TNRC6B: variants seen among roughly 807,000 people sequenced by gnomAD.
The protein encoded by TNRC6B is trinucleotide repeat-containing gene 6B protein.
TNRC6B carries 52 observed loss-of-function variants against 203.6 expected under a neutral mutation model. The observed-to-expected ratio is 0.26, with a 90% CI of 0.20 to 0.32. TNRC6B has a LOEUF of 0.32. TNRC6B is among the 10% of genes least tolerant of loss of function. TNRC6B has a pLI of 1.00. For missense variants in TNRC6B, 1,923 were observed against 2,286.2 expected, an observed-to-expected ratio of 0.84 and a Z score of 3.24; for synonymous variants, 838 against 845.7, an observed-to-expected ratio of 0.99 and a Z score of 0.16.
chr22:40,265,863 C>T lies in TNRC6B; in HGVS notation c.1633C>T (p.Pro545Ser), dbSNP rs201243334. Reference sequence around the variant, plus strand: ...AGCATGGGACAATCAAAAGGGCCACCCCCTCCCTGAAAACCAAGGCAATGC... The same window carrying T: ...AGCATGGGACAATCAAAAGGGCCACTCCCTCCCTGAAAACCAAGGCAATGC... ...TGAWDNQKGHPLPENQGNAQA... is the reference protein window; with the variant it reads ...TGAWDNQKGHSLPENQGNAQA... Residue 545 changes from proline (P) to serine (S), a missense_variant, in exon 5 of 23, where the codon CCC becomes TCC. Transcript: ENST00000454349. 1.4e-5 allele frequency: 23 copies of T among 1,613,956 alleles called. No homozygotes were observed. In the East Asian group the frequency reaches 4.5e-4, roughly 31 times the overall value.
intron 1 of TNRC6B, among the ~76,000 whole-genome samples, chr22:40,111,508 A>T (rs879823793): frequency 4.4e-4 from 67 of 152,240 alleles, no homozygotes; most frequent in African/African-American, 1.6e-3. Flanking sequence ...CAGGGCAGTC[A>T]GTGGCAGTAG....
intron 19 of TNRC6B, 66 bp from the exon 20 acceptor site, chr22:40,315,217 A>G (rs577989863): frequency 1.6e-6 from 2 of 1,280,356 alleles, no homozygotes; most frequent in African/African-American, 1.5e-5. Flanking sequence ...GATAAAACTC[A>G]TGTGTATTTG....
intron 3 of TNRC6B, among the ~76,000 whole-genome samples, chr22:40,257,852 G>A (rs1430760906): frequency 2.0e-5 from 3 of 151,812 alleles, no homozygotes; most frequent in East Asian, 1.9e-4. Context: ...ATGAAACTCC[G>A]TCTCTGTTAA....
At chr22:40,131,077 GC>G (rs2068540023) in intron 3 of TNRC6B, among the ~76,000 whole-genome samples, 1 of 151,566 alleles carries the variant, frequency 6.6e-6, no homozygotes, top group Non-Finnish European at 1.5e-5. Flanking sequence ...ATAATTTTTT[GC>G]CCAGATAATT....
chr22:40,145,316 T>C (rs1252464657), intron 3 of TNRC6B, among the ~76,000 whole-genome samples: 1 of 152,062 alleles, frequency 6.6e-6, no homozygotes, highest in African/African-American at 2.4e-5. Context: ...ATTTTTCTGC[T>C]TGTGAATTAT....
chr22:40,260,374 G>A (rs1283970267), intron 3 of TNRC6B, among the ~76,000 whole-genome samples: 4 of 152,114 alleles, frequency 2.6e-5, no homozygotes, highest in Non-Finnish European at 5.9e-5. Flanking sequence ...ATGCCCTAAG[G>A]AAGAAAGAAA....
intron 4 of TNRC6B, among the ~76,000 whole-genome samples, chr22:40,163,093 G>T (rs1240388313): frequency 6.6e-6 from 1 of 151,986 alleles, no homozygotes; most frequent in Non-Finnish European, 1.5e-5. Flanking sequence ...TTTCTTGGAT[G>T]CCTGGACCAT....
chr22:40,097,187 G>A (rs908376684), intron 1 of TNRC6B, among the ~76,000 whole-genome samples: 1 of 152,216 alleles, frequency 6.6e-6, no homozygotes, highest in Non-Finnish European at 1.5e-5. Context: ...GACATGATCA[G>A]ATTTATTTTT....
chr22:40,054,738 C>G (rs966708846), intron 1 of TNRC6B, among the ~76,000 whole-genome samples: 1 of 152,128 alleles, frequency 6.6e-6, no homozygotes. Flanking sequence ...AATAGAATTT[C>G]TAAAAAACCT....
chr22:40,121,243 C>T (rs1440204201), intron 2 of TNRC6B, among the ~76,000 whole-genome samples: 5 of 152,038 alleles, frequency 3.3e-5, no homozygotes, highest in Admixed American at 6.6e-5. Context: ...CCCTCCCTTC[C>T]GTCCTTCCTT....
intron 7 of TNRC6B, among the ~76,000 whole-genome samples, chr22:40,275,801 C>T (rs1273760798): frequency 6.6e-6 from 1 of 151,790 alleles, no homozygotes; most frequent in Non-Finnish European, 1.5e-5. Flanking sequence ...TCTACTAAAC[C>T]TACAAAAATT....
At chr22:40,071,704 G>A (rs2067949599) in intron 1 of TNRC6B, among the ~76,000 whole-genome samples, 1 of 152,102 alleles carries the variant, frequency 6.6e-6, no homozygotes, top group Non-Finnish European at 1.5e-5. Flanking sequence ...ACAGTTTGGG[G>A]AATTCTGATT....
At chr22:40,179,957 GT>G (rs2069110947) in intron 1 of TNRC6B, among the ~76,000 whole-genome samples, 1 of 152,134 alleles carries the variant, frequency 6.6e-6, no homozygotes, top group Non-Finnish European at 1.5e-5. Context: ...ATGTTGTTAT[GT>G]TAGTAATGGT....
chr22:40,225,304 A>T (rs188376777), intron 1 of TNRC6B, among the ~76,000 whole-genome samples: 191 of 152,318 alleles, frequency 1.3e-3, no homozygotes, highest in African/African-American at 4.4e-3. Flanking sequence ...GACACAAAGA[A>T]ATACAAAAAT....
At chr22:40,221,415 G>T (rs557212750) in intron 1 of TNRC6B, among the ~76,000 whole-genome samples, 2 of 152,216 alleles carry the variant, frequency 1.3e-5, no homozygotes, top group Admixed American at 1.3e-4. Context: ...TCTAGCTGAA[G>T]ATTTTTGGCT....
chr22:40,146,644 G>A (rs2068698083), intron 3 of TNRC6B, among the ~76,000 whole-genome samples: 1 of 140,536 alleles, frequency 7.1e-6, no homozygotes, highest in African/African-American at 2.7e-5. Context: ...TCAGCTTACT[G>A]CAACCTCCTC....
intron 4 of TNRC6B, among the ~76,000 whole-genome samples, chr22:40,167,430 G>A (rs1453940772): frequency 6.6e-6 from 1 of 152,010 alleles, no homozygotes; most frequent in Non-Finnish European, 1.5e-5. Flanking sequence ...TGAGGAAAGG[G>A]GAAAAGAATG....
Position 40,265,328 on chromosome 22 carries a change from A to C in TNRC6B, c.1098A>C (p.Gln366His), listed in dbSNP as rs1449737538. 4.3e-6 allele frequency: 7 copies of C among 1,613,910 alleles called. No individual in the cohort carries two copies. The highest frequency in any genetic ancestry group is 5.9e-6 in the Non-Finnish European group (7 of 1,179,898). ...TTGTCTCTGGCAGAGAACAGGCTCA[A>C]ATTCATAACACTGATGGACCAAAAA... The part of the protein sequence containing the change: ...NFVVSGREQA[Q>H]IHNTDGPKNG... The change falls in exon 5 of 23, where the codon CAA becomes CAC. Residue 366 changes from glutamine to histidine, a missense_variant. Around this residue, in one of 8 missense-constraint regions of TNRC6B, gnomAD observed 614 missense variants for 587.7 expected, o/e 1.04. Transcript: ENST00000454349.
At chr22:40,140,877 G>A (rs2068638448) in intron 3 of TNRC6B, among the ~76,000 whole-genome samples, 1 of 152,120 alleles carries the variant, frequency 6.6e-6, no homozygotes, top group Non-Finnish European at 1.5e-5. Context: ...CTGACCTCAA[G>A]CAATCTGCCT....
Sources: gnomAD v4.1 joint callset for allele counts (sites outside exome capture counted in the v4.1 genomes callset) on GRCh38, gnomAD v4.1.1 for gene constraint, gnomAD v4.1.1 regional missense constraint, MANE v1.5 for transcripts, NCBI Gene and HGNC (gene_info 2026-07-23, HGNC 2026-07-21) for gene names.